HIPK3: variants seen among roughly 807,000 people sequenced by gnomAD.
The protein encoded by HIPK3 is homeodomain-interacting protein kinase 3.
Under a neutral mutation model 124.2 loss-of-function variants are expected in HIPK3, and 47 were observed. The observed-to-expected ratio is 0.38, with a 90% CI of 0.30 to 0.48. HIPK3 has a LOEUF of 0.48. Among genes scored for constraint, HIPK3 ranks in the 20% least tolerant of loss-of-function variants. The probability of loss-of-function intolerance (pLI) is 0.98; values close to 1 mark genes in which losing one functional copy is unlikely to be tolerated. For synonymous variants in HIPK3, 482 were observed against 515.2 expected (o/e 0.94, Z 0.87); for missense variants, 1,286 against 1,454.3 (o/e 0.88, Z 1.88).
intron 1 of HIPK3, among the ~76,000 whole-genome samples, chr11:33,269,691 T>C (rs577970706): frequency 3.9e-5 from 6 of 152,276 alleles, no homozygotes; most frequent in Non-Finnish European, 8.8e-5. Flanking sequence ...GTTCACTTCA[T>C]AGCCTTTGGC....
chr11:33,266,693 CAG>C (rs1850974380), intron 1 of HIPK3, among the ~76,000 whole-genome samples: 2 of 152,102 alleles, frequency 1.3e-5, no homozygotes, highest in Non-Finnish European at 2.9e-5. Flanking sequence ...GCCTTGGAGA[CAG>C]AGTGAGACCT....
At chr11:33,274,934 A>C (rs1380981271) in intron 1 of HIPK3, among the ~76,000 whole-genome samples, 3 of 152,230 alleles carry the variant, frequency 2.0e-5, no homozygotes, top group African/African-American at 7.2e-5. Context: ...AAAATACCCA[A>C]GACTTTAGTA....
At chr11:33,350,579 CAGG>C (rs995258583) in intron 14 of HIPK3, among the ~76,000 whole-genome samples, 24 of 151,254 alleles carry the variant, frequency 1.6e-4, no homozygotes, top group African/African-American at 5.8e-4. Context: ...GAGGCTGAGG[CAGG>C]AGGATTATTT....
chr11:33,310,732 AG>A (rs1852311126), intron 2 of HIPK3, among the ~76,000 whole-genome samples: 1 of 152,376 alleles, frequency 6.6e-6, no homozygotes, highest in South Asian at 2.1e-4. Context: ...TAGTACAGAT[AG>A]GAACATTTCC....
chr11:33,309,390 C>T (rs1046951755), intron 2 of HIPK3, among the ~76,000 whole-genome samples: 9 of 152,210 alleles, frequency 5.9e-5, no homozygotes, highest in Non-Finnish European at 1.2e-4. Flanking sequence ...GTTGGGATTA[C>T]AGGTGTGTCA....
chr11:33,328,978 A>T (rs1213918794), intron 3 of HIPK3, among the ~76,000 whole-genome samples: 1 of 152,184 alleles, frequency 6.6e-6, no homozygotes, highest in Non-Finnish European at 1.5e-5. Flanking sequence ...CCCAAGGCAT[A>T]AAAGCTCCTA....
chr11:33,310,557 G>C (rs1852305018), intron 2 of HIPK3, among the ~76,000 whole-genome samples: 3 of 152,082 alleles, frequency 2.0e-5, no homozygotes, highest in African/African-American at 4.8e-5. Context: ...GATTCGCCCA[G>C]CTTGGCCTCC....
chr11:33,339,550 A>G lies in HIPK3; in HGVS notation c.1613+16A>G, dbSNP rs1468988694. On this transcript the variant is annotated intron_variant, in intron 6 of 16. Coordinates refer to ENST00000303296, the MANE Select transcript of HIPK3 (RefSeq NM_005734.5). ...ATAGCAACCAGTATGTTACTTTAAG[A>G]TCTTTTAAAGTGGTTCTAAAAAAAA... The G allele has an allele frequency of 1.3e-6, 2 of 1,537,728 alleles. No individual in the cohort carries two copies. Among genetic ancestry groups the G allele is most frequent in the African/African-American group, 2.7e-5 (2 of 72,734 alleles).
At chr11:33,313,516 G>C (rs1852407198) in intron 2 of HIPK3, among the ~76,000 whole-genome samples, 1 of 152,098 alleles carries the variant, frequency 6.6e-6, no homozygotes, top group African/African-American at 2.4e-5. Context: ...ATTTGTGTGT[G>C]TATATAAAAG....
chr11:33,275,114 A>G, intron 1 of HIPK3, among the ~76,000 whole-genome samples: 1 of 151,958 alleles, frequency 6.6e-6, no homozygotes, highest in Non-Finnish European at 1.5e-5. Context: ...ATCTTGAGTC[A>G]CTGCAGCCTC....
At position 33,257,826 on chromosome 11, in the gene HIPK3, C is replaced by G. The variant is rs1298190682; in HGVS notation, c.-66C>G. The G allele has an allele frequency of 2.0e-6, 2 of 986,178 alleles. No individual in the cohort carries two copies. The highest frequency in any genetic ancestry group is 2.4e-6 in the Non-Finnish European group (2 of 830,690). 61.1% of individuals were successfully genotyped at this position (986,178 alleles called of 1,614,324 possible). The stretch of plus-strand genomic sequence containing the variant: ...CCCGGTCCCCGGCACGGCCCTGCGC[C>G]CCACCCCGGACATGCTCAGGGCTGC... On this transcript the variant is annotated 5_prime_UTR_variant, in exon 1 of 17. Coordinates refer to ENST00000303296, the MANE Select transcript of HIPK3 (RefSeq NM_005734.5).
At chr11:33,271,089 G>A (rs141921115) in intron 1 of HIPK3, among the ~76,000 whole-genome samples, 1,681 of 152,184 alleles carry the variant, frequency 0.011, 26 homozygotes, top group African/African-American at 0.038. Context: ...TATGATTCCA[G>A]GTAAATGATA....
chr11:33,283,478 G>T (rs1476261165), intron 1 of HIPK3, among the ~76,000 whole-genome samples: 4 of 152,040 alleles, frequency 2.6e-5, no homozygotes, highest in Admixed American at 6.6e-5. Context: ...TGTCTAGTAA[G>T]GTTTTGTAGC....
At chr11:33,295,777 C>T (rs1590369664) in intron 2 of HIPK3, among the ~76,000 whole-genome samples, 2 of 152,158 alleles carry the variant, frequency 1.3e-5, no homozygotes, top group African/African-American at 4.8e-5. Flanking sequence ...TATTGAGAGG[C>T]GCATGATGTC....
intron 2 of HIPK3, among the ~76,000 whole-genome samples, chr11:33,294,089 G>A (rs1851773074): frequency 6.6e-6 from 1 of 151,436 alleles, no homozygotes; most frequent in South Asian, 2.1e-4. Flanking sequence ...GGGAGGCGGA[G>A]GTTGCACCAA....
intron 3 of HIPK3, among the ~76,000 whole-genome samples, chr11:33,333,134 G>C (rs944801601): frequency 2.0e-5 from 3 of 152,114 alleles, no homozygotes; most frequent in African/African-American, 7.2e-5. Flanking sequence ...CATGAGATTT[G>C]GAGGGGACAA....
intron 12 of HIPK3, 112 bp from the exon 13 acceptor site, chr11:33,348,410 T>A: frequency 9.6e-7 from 1 of 1,046,466 alleles, no homozygotes; most frequent in East Asian, 2.6e-5. Context: ...TGTGTTATAT[T>A]CATGAACTCG....
intron 1 of HIPK3, among the ~76,000 whole-genome samples, chr11:33,275,125 C>T (rs764632751): frequency 2.6e-5 from 4 of 151,962 alleles, no homozygotes; most frequent in East Asian, 1.9e-4. Flanking sequence ...CTGCAGCCTC[C>T]GCCTCTCGAG....
At chr11:33,351,123 T>C (rs1853645999) in intron 14 of HIPK3, among the ~76,000 whole-genome samples, 1 of 152,062 alleles carries the variant, frequency 6.6e-6, no homozygotes, top group Non-Finnish European at 1.5e-5. Flanking sequence ...CCTTCAGAGG[T>C]GTGGGGATAC....
Sources: allele counts gnomAD v4.1 joint callset (sites outside exome capture counted in the v4.1 genomes callset), GRCh38; gene constraint gnomAD v4.1.1; transcripts MANE v1.5; gene names NCBI Gene and HGNC (gene_info 2026-07-23, HGNC 2026-07-21).